The following CCDC68 variants were observed in gnomAD, a reference collection of about 807,000 sequenced individuals.
CCDC68 encodes coiled-coil domain containing 68, also known as coiled-coil domain-containing protein 68.
A neutral mutation model predicts 47.1 loss-of-function variants in CCDC68; 45 were observed. That is an observed-to-expected ratio of 0.96 (90% CI 0.75 to 1.23). CCDC68 has a LOEUF of 1.23. Ranked by LOEUF, CCDC68 falls within the 50% of genes most tolerant of loss-of-function variation. The pLI is 0.00. For synonymous variants in CCDC68, 131 were observed against 129.5 expected, an observed-to-expected ratio of 1.01 and a Z score of -0.08; for missense variants, 353 against 373.6, an observed-to-expected ratio of 0.94 and a Z score of 0.45.
At chr18:54,914,270 C>A (rs941548047) in intron 10 of CCDC68, among the ~76,000 whole-genome samples, 2 of 152,120 alleles carry the variant, frequency 1.3e-5, no homozygotes, top group Non-Finnish European at 2.9e-5. Flanking sequence ...AACATAAAGT[C>A]ACTCATCAGA....
At chr18:54,905,409 A>AAG (rs1913936962) in intron 11 of CCDC68, among the ~76,000 whole-genome samples, 2 of 107,812 alleles carry the variant, frequency 1.9e-5, no homozygotes, top group African/African-American at 3.9e-5. Context: ...AAGGAAGGGA[A>AAG]GAAGGAAGGA....
chr18:54,950,068 G>C (rs1187323412), intron 1 of CCDC68, among the ~76,000 whole-genome samples: 2 of 151,992 alleles, frequency 1.3e-5, no homozygotes, highest in Non-Finnish European at 2.9e-5. Context: ...CATCAATTCC[G>C]GTAGCTGCTC....
intron 8 of CCDC68, among the ~76,000 whole-genome samples, chr18:54,923,388 G>A (rs567749871): frequency 2.6e-4 from 39 of 150,018 alleles, no homozygotes; most frequent in Non-Finnish European, 4.7e-4. Flanking sequence ...CCCAAGCTCA[G>A]AAAAATTTCC....
chr18:54,931,368 G>C (rs951445435), intron 7 of CCDC68, among the ~76,000 whole-genome samples: 8 of 152,196 alleles, frequency 5.3e-5, no homozygotes, highest in African/African-American at 1.9e-4. Flanking sequence ...TATTCCCAGA[G>C]CCATACCTCC....
chr18:54,921,299 A>G (rs1448447915), intron 8 of CCDC68, among the ~76,000 whole-genome samples: 2 of 152,204 alleles, frequency 1.3e-5, no homozygotes, highest in Non-Finnish European at 2.9e-5. Context: ...ATCAGGCAAT[A>G]TACCCACGTA....
intron 8 of CCDC68, among the ~76,000 whole-genome samples, chr18:54,922,021 GAAAT>G (rs1013468301): frequency 4.6e-5 from 7 of 152,058 alleles, no homozygotes; most frequent in Admixed American, 4.6e-4. Context: ...TGTTTGAAAA[GAAAT>G]AAGCTGGATG....
intron 5 of CCDC68, chr18:54,937,240 A>G: frequency 3.0e-6 from 1 of 329,202 alleles, no homozygotes; most frequent in East Asian, 6.2e-5. Context: ...CACTGTTCAC[A>G]TAACTCCATG....
chr18:54,941,425 TTTAGTAATTACTATAAAACAATTACTAC>T (rs1360668221), intron 3 of CCDC68, among the ~76,000 whole-genome samples: 1 of 152,202 alleles, frequency 6.6e-6, no homozygotes, highest in African/African-American at 2.4e-5. Flanking sequence ...TAATTTACTG[TTTAGTAATTACTATAAAACAATTACTAC>T]TTAGTAATCA....
rs1470465596 is a variant in CCDC68, at chr18:54,902,418, G to A, written c.*1940C>T. The A allele has an allele frequency of 6.6e-6, 1 of 152,186 alleles. No homozygotes were observed. The highest frequency in any genetic ancestry group is 1.5e-5 in the Non-Finnish European group (1 of 68,034). The allele number at this position is 152,186 out of a possible 1,614,324, so 9.4% of individuals were successfully genotyped here. On this transcript the variant is annotated 3_prime_UTR_variant, in exon 12 of 12. Coordinates refer to ENST00000591504, the MANE Select transcript of CCDC68 (RefSeq NM_025214.3). ...GAATCTGGTCTCCTAGTAAAAGATG[G>A]ATTCTCTTACTACACTGCAAATACT... is the stretch of plus-strand genomic sequence containing the variant.
intron 8 of CCDC68, among the ~76,000 whole-genome samples, chr18:54,926,668 A>T (rs1234034561): frequency 6.6e-6 from 1 of 152,200 alleles, no homozygotes; most frequent in African/African-American, 2.4e-5. Context: ...GCTAGTCGTC[A>T]CTCAGAGGAA....
At chr18:54,910,250 C>G (rs1914278052) in intron 10 of CCDC68, among the ~76,000 whole-genome samples, 1 of 152,286 alleles carries the variant, frequency 6.6e-6, no homozygotes, top group African/African-American at 2.4e-5. Context: ...GCTGGCTGCC[C>G]CATCGTCTGT....
At chr18:54,931,924 C>T (rs759372086) in intron 7 of CCDC68, among the ~76,000 whole-genome samples, 4 of 152,126 alleles carry the variant, frequency 2.6e-5, no homozygotes, top group East Asian at 1.9e-4. Flanking sequence ...GGGGCACCTA[C>T]GACCAGGCCA....
At chr18:54,914,484 G>A (rs142766967) in intron 10 of CCDC68, among the ~76,000 whole-genome samples, 8 of 151,992 alleles carry the variant, frequency 5.3e-5, no homozygotes, top group African/African-American at 9.7e-5. Context: ...CAGGTGTGGC[G>A]GTGGGCACTT....
intron 9 of CCDC68, among the ~76,000 whole-genome samples, chr18:54,918,333 G>C (rs1230609438): frequency 2.0e-5 from 3 of 152,202 alleles, no homozygotes; most frequent in Non-Finnish European, 4.4e-5. Context: ...GCAGCTGCTG[G>C]TGGACAGGAT....
chr18:54,940,324 C>T (rs1370869543), intron 4 of CCDC68, among the ~76,000 whole-genome samples: 1 of 152,168 alleles, frequency 6.6e-6, no homozygotes, highest in African/African-American at 2.4e-5. Context: ...TTAATCTTCC[C>T]TATCATTCCT....
At chr18:54,948,782 GA>G (rs1327462014) in intron 1 of CCDC68, among the ~76,000 whole-genome samples, 1 of 152,168 alleles carries the variant, frequency 6.6e-6, no homozygotes, top group African/African-American at 2.4e-5. Flanking sequence ...TGAGTGACGT[GA>G]AGAAAAGCTG....
At chr18:54,928,971 G>A (rs1348945591) in intron 7 of CCDC68, 89 bp from the exon 8 acceptor site, 1 of 724,726 alleles carries the variant, frequency 1.4e-6, no homozygotes, top group Non-Finnish European at 2.4e-6. Flanking sequence ...TATGGCTTGA[G>A]CTAAAGAGTT....
At chr18:54,925,881 CA>C (rs929974759) in intron 8 of CCDC68, among the ~76,000 whole-genome samples, 1 of 152,166 alleles carries the variant, frequency 6.6e-6, no homozygotes, top group African/African-American at 2.4e-5. Flanking sequence ...GGGAAAGAAT[CA>C]GCTTGGATGT....
At chr18:54,936,733 T>G (rs1306686966) in intron 6 of CCDC68, 100 bp downstream of exon 6, 2 of 1,426,272 alleles carry the variant, frequency 1.4e-6, no homozygotes, top group Admixed American at 1.9e-5. Flanking sequence ...CCAAGTCACT[T>G]GGCCATTGCT....
Sources: allele counts gnomAD v4.1 joint callset (sites outside exome capture counted in the v4.1 genomes callset), GRCh38; gene constraint gnomAD v4.1.1; transcripts MANE v1.5; gene names NCBI Gene and HGNC (gene_info 2026-07-23, HGNC 2026-07-21).